The following DDX1 variants were observed in gnomAD, a reference collection of about 807,000 sequenced individuals.
The protein encoded by DDX1 is ATP-dependent RNA helicase DDX1.
Under a neutral mutation model 108.7 loss-of-function variants are expected in DDX1, and 28 were observed. The ratio of observed to expected loss-of-function variants is 0.26; its 90% CI spans 0.19 to 0.35. The LOEUF (loss-of-function observed/expected upper bound fraction) is 0.35, where lower values mean the gene tolerates loss of function less well. Among genes scored for constraint, DDX1 ranks in the 10% least tolerant of loss-of-function variants. The probability of loss-of-function intolerance (pLI) is 1.00; values close to 1 mark genes in which losing one functional copy is unlikely to be tolerated. For synonymous variants in DDX1, 295 were observed against 288.9 expected, an observed-to-expected ratio of 1.02 and a Z score of -0.21; for missense variants, 710 against 884.5, an observed-to-expected ratio of 0.80 and a Z score of 2.50.
At chr2:15,625,310 C>G (rs1666083366) in intron 19 of DDX1, among the ~76,000 whole-genome samples, 1 of 152,072 alleles carries the variant, frequency 6.6e-6, no homozygotes, top group Non-Finnish European at 1.5e-5. Context: ...ACAAGGGTGG[C>G]AGTAGGGATA....
Position 15,621,113 on chromosome 2 carries a change from C to G in DDX1, c.1444C>G (p.Pro482Ala). 3.1e-6 allele frequency: 5 copies of G among 1,605,116 alleles called. No homozygotes were observed. Among genetic ancestry groups the G allele is most frequent in the Non-Finnish European group, 4.3e-6 (5 of 1,173,676 alleles). ...TAACACAAGACCTGGTGCTAATAGT[C>G]CAGGTGAGTTAAAAGAGTCAAATGT... ...KDNTRPGANS[P>A]EMWSEAIKIL... The change falls in exon 18 of 26, where the codon CCA becomes GCA. Residue 482 changes from proline to alanine, a missense_variant. Physicochemically the swap from Pro to Ala is conservative, Grantham distance 27. Transcript: ENST00000233084.
Position 15,627,062 on chromosome 2 carries a change from A to G in DDX1, c.1603A>G (p.Lys535Glu). 6.2e-7 allele frequency: 1 copy of G among 1,604,960 alleles called. No homozygotes were observed. The highest frequency in any genetic ancestry group is 8.5e-7 in the Non-Finnish European group (1 of 1,174,706). The stretch of plus-strand genomic sequence containing the variant: ...AATGTGCTTTTCACTAGGACCTGAT[A>G]AAAAAGGACACCAGTTCTCATGTGT... Reference protein sequence around the residue: ...YFIQQGGGPDKKGHQFSCVCL... With the variant: ...YFIQQGGGPDEKGHQFSCVCL... The change falls in exon 20 of 26, where the codon AAA (lysine) becomes GAA (glutamate). Residue 535 changes from lysine to glutamate, a missense_variant. Lys to Glu is a moderately conservative substitution (Grantham distance 56). Transcript: ENST00000233084.
chr2:15,615,384 A>G (rs1665877074), intron 14 of DDX1, among the ~76,000 whole-genome samples: 1 of 152,062 alleles, frequency 6.6e-6, no homozygotes, highest in African/African-American at 2.4e-5. Context: ...GAAGGAGGAA[A>G]CTCACGTGGT....
chr2:15,629,786 CTGTT>C, intron 24 of DDX1, 89 bp downstream of exon 24: 3 of 1,114,848 alleles, frequency 2.7e-6, no homozygotes, highest in Non-Finnish European at 3.8e-6. Flanking sequence ...TGGCTTTTAT[CTGTT>C]TGTCACTTAT....
At position 15,604,515 on chromosome 2, in the gene DDX1, C is replaced by A; in HGVS notation, c.625+6C>A. On this transcript the variant is annotated splice_donor_region_variant and intron_variant, in intron 10 of 25. Transcript: ENST00000233084. ...TGTCAAGTTCTCCAAAAATGGTAAG[C>A]TCTATATGGATCTTAGTAGTGAAAA... The A allele has an allele frequency of 2.6e-6, 4 of 1,552,380 alleles. No homozygotes were observed. The highest frequency in any genetic ancestry group is 3.6e-6 in the Non-Finnish European group (4 of 1,124,400).
At chr2:15,629,542 A>G in intron 23 of DDX1, 60 bp from the exon 24 acceptor site, 3 of 1,227,590 alleles carry the variant, frequency 2.4e-6, no homozygotes, top group South Asian at 2.9e-5. Flanking sequence ...AATTTAGAAT[A>G]AGATATTTAG....
Position 15,620,400 on chromosome 2 carries a change from A to G in DDX1, c.1395+4A>G. 6.2e-7 allele frequency: 1 copy of G among 1,604,524 alleles called. No homozygotes were observed. On this transcript the variant is annotated splice_donor_region_variant and intron_variant, in intron 17 of 25. Coordinates refer to ENST00000233084, the MANE Select transcript of DDX1 (RefSeq NM_004939.3). ...GCTTGGAAAGAGCCACATTAGAGTAAGTGGTTTATAATATTAACATTTATG... is the reference window on the plus strand; with the variant it reads ...GCTTGGAAAGAGCCACATTAGAGTAGGTGGTTTATAATATTAACATTTATG...
In DDX1 at chr2:15,623,633, A is replaced by G. The variant is rs750760221; in HGVS notation, c.1594+51A>G. On this transcript the variant is annotated intron_variant, in intron 19 of 25. Transcript: ENST00000233084. ...TTGTGTTTATATCCTCTTGTAATAG[A>G]TTATTAATCTCATGTTGATGCAATC... 5 of 1,474,998 alleles carry G rather than the reference A, an allele frequency of 3.4e-6. No homozygotes were observed. In the African/African-American group the frequency reaches 7.0e-5, roughly 21 times the overall value. 91.4% of individuals were successfully genotyped at this position (1,474,998 alleles called of 1,614,324 possible).
At chr2:15,612,109 C>A in intron 13 of DDX1, among the ~76,000 whole-genome samples, 1 of 145,968 alleles carries the variant, frequency 6.9e-6, no homozygotes, top group Non-Finnish European at 1.5e-5. Context: ...CACCTCCCTC[C>A]CGGACGGGGC....
rs543349261 is a variant in DDX1 at position 15,594,614 on chromosome 2, T to G, written c.17-531T>G. Among the ~76,000 whole-genome samples the G allele has an allele frequency of 3.0e-4, 45 of 152,370 alleles. No individual in the cohort carries two copies. In the South Asian group the frequency reaches 9.1e-3, roughly 31 times the overall value. ...CCCCTCCCTCTTCAGTTATTCAGAA[T>G]TTTGATTATGGCTGCCAATAAATGT... is the stretch of plus-strand genomic sequence containing the variant. On this transcript the variant is annotated intron_variant, in intron 1 of 25. Coordinates refer to ENST00000233084, the MANE Select transcript of DDX1 (RefSeq NM_004939.3).
At chr2:15,596,703 C>T (rs1204876357) in intron 3 of DDX1, 31 bp from the exon 4 acceptor site, 14 of 1,602,656 alleles carry the variant, frequency 8.7e-6, no homozygotes, top group African/African-American at 1.3e-5. Context: ...ACAACTTAAT[C>T]TGTAAAATCA....
chr2:15,603,239 G>C lies in DDX1; in HGVS notation c.439G>C (p.Val147Leu). Residue 147 changes from valine to leucine, a missense_variant, in exon 8 of 26, where the codon GTC (valine) becomes CTC (leucine). This residue lies in a region of DDX1 where 661 missense variants were observed against 810.2 expected (regional missense o/e 0.82). Coordinates refer to ENST00000233084, the MANE Select transcript of DDX1 (RefSeq NM_004939.3). Reference sequence around the variant, plus strand: ...CTGTCATGACCAAGGGTTATGCAGGGTCGGGTGGTCTACCATGCAGGCCTC... The same window carrying C: ...CTGTCATGACCAAGGGTTATGCAGGCTCGGGTGGTCTACCATGCAGGCCTC... ...VSCHDQGLCR[V>L]GWSTMQASLD... The C allele has an allele frequency of 6.2e-7, 1 of 1,613,702 alleles. No individual in the cohort carries two copies. Among genetic ancestry groups the C allele is most frequent in the South Asian group, 1.1e-5 (1 of 91,016 alleles).
intron 13 of DDX1, 119 bp from the exon 14 acceptor site, chr2:15,613,105 T>C (rs1665827081): frequency 1.5e-6 from 1 of 681,526 alleles, no homozygotes; most frequent in Admixed American, 3.4e-5. Flanking sequence ...TGTAGGCTTT[T>C]TTCCTCAATT....
At position 15,631,078 on chromosome 2, in the gene DDX1, A is replaced by T. The variant is rs1666188968; in HGVS notation, c.*172A>T. 2.0e-6 allele frequency: 1 copy of T among 512,034 alleles called. No individual in the cohort carries two copies. Among genetic ancestry groups the T allele is most frequent in the Non-Finnish European group, 3.3e-6 (1 of 304,590 alleles). The allele number at this position is 512,034 out of a possible 1,614,324, so 31.7% of individuals were successfully genotyped here. ...GAATTCTTCAAAAAATGGCATCCCA[A>T]TGAAAATAAATTTGATGACTATATT... On this transcript the variant is annotated 3_prime_UTR_variant, in exon 26 of 26. Transcript: ENST00000233084.
chr2:15,621,054 G>C lies in DDX1; in HGVS notation c.1396-11G>C. On this transcript the variant is annotated splice_polypyrimidine_tract_variant and intron_variant, in intron 17 of 25. Transcript: ENST00000233084. ...CTCCTCTATCCTGTTTTTATTCCTT[G>C]CTTTTGATAGACTGATGATGTACAT... The C allele has an allele frequency of 6.3e-7, 1 of 1,591,472 alleles. No homozygotes were observed. Among genetic ancestry groups the C allele is most frequent in the Non-Finnish European group, 8.6e-7 (1 of 1,161,506 alleles).
intron 16 of DDX1, among the ~76,000 whole-genome samples, chr2:15,619,557 A>G (rs1324122267): frequency 1.3e-5 from 2 of 152,198 alleles, no homozygotes; most frequent in Non-Finnish European, 2.9e-5. Flanking sequence ...GCCATCATTA[A>G]TGCTTATGAG....
At chr2:15,609,728 ATAAAAG>A (rs1665723339) in intron 13 of DDX1, among the ~76,000 whole-genome samples, 1 of 148,188 alleles carries the variant, frequency 6.7e-6, no homozygotes, top group Admixed American at 6.7e-5. Context: ...ATAAATGTGG[ATAAAAG>A]TAAAAGTATT....
chr2:15,598,934 C>CTT (rs58877571), intron 5 of DDX1, among the ~76,000 whole-genome samples: 2 of 151,282 alleles, frequency 1.3e-5, no homozygotes, highest in East Asian at 1.9e-4. Flanking sequence ...AAAGGACTTG[C>CTT]TTTTTTTTTG....
intron 6 of DDX1, among the ~76,000 whole-genome samples, chr2:15,600,731 T>G (rs1665576735): frequency 6.7e-6 from 1 of 149,816 alleles, no homozygotes; most frequent in Non-Finnish European, 1.5e-5. Context: ...TTTTTCTTAT[T>G]TGCATTTTCT....
Sources: gnomAD v4.1 joint callset for allele counts (sites outside exome capture counted in the v4.1 genomes callset) on GRCh38, gnomAD v4.1.1 for gene constraint, gnomAD v4.1.1 regional missense constraint, MANE v1.5 for transcripts, NCBI Gene and HGNC (gene_info 2026-07-23, HGNC 2026-07-21) for gene names.